Variants in DOCK11 observed in about 807,000 individuals in gnomAD.
The protein encoded by DOCK11 is dedicator of cytokinesis 11, also known as dedicator of cytokinesis protein 11.
A neutral mutation model predicts 169.1 loss-of-function variants in DOCK11; 70 were observed. The ratio of observed to expected loss-of-function variants is 0.41; its 90% CI spans 0.34 to 0.51. The LOEUF is 0.51. DOCK11 is among the 20% of genes least tolerant of loss of function. DOCK11 has a pLI of 0.10. For missense variants in DOCK11, 1,166 were observed against 1,538.8 expected (o/e 0.76, Z 4.05); for synonymous variants, 529 against 541.3 (o/e 0.98, Z 0.32).
At chrX:118,559,041 C>T (rs1196589573) in intron 6 of DOCK11, among the ~76,000 whole-genome samples, 6 of 111,871 alleles carry the variant, frequency 5.4e-5, no homozygotes, top group African/African-American at 1.6e-4. Context: ...ATCATATTCT[C>T]TCCTCAGATT....
intron 1 of DOCK11, among the ~76,000 whole-genome samples, chrX:118,537,765 G>A (rs1396129563): frequency 8.9e-6 from 1 of 112,169 alleles, no homozygotes; most frequent in Non-Finnish European, 1.9e-5. Context: ...TGCTATTAGT[G>A]ACCCTCAGTG....
intron 28 of DOCK11, 121 bp downstream of exon 28, chrX:118,610,539 A>G: frequency 1.2e-6 from 1 of 806,642 alleles, no homozygotes; most frequent in Non-Finnish European, 1.7e-6. Flanking sequence ...TGGAAAACTT[A>G]GGTTGCTTAC....
rs776252212 is a variant in DOCK11 at position 118,676,056 on chromosome X, G to A, written c.5313+7G>A. 8 of 1,090,018 alleles carry A rather than the reference G, an allele frequency of 7.3e-6. No homozygotes were observed. The highest frequency in any genetic ancestry group is 2.0e-5 in the South Asian group (1 of 50,433). The allele number at this position is 1,090,018 out of a possible 1,213,427, so 89.8% of individuals were successfully genotyped here. On this transcript the variant is annotated splice_region_variant and intron_variant, in intron 47 of 52. Coordinates refer to ENST00000276202, the MANE Select transcript of DOCK11 (RefSeq NM_144658.4). Reference sequence around the variant, plus strand: ...AGTTGCCTTTTATGGCCAAGTAAGTGTACTTGAATCCATAAAGTTTTCCTT... The same window carrying A: ...AGTTGCCTTTTATGGCCAAGTAAGTATACTTGAATCCATAAAGTTTTCCTT...
chrX:118,590,940 C>T (rs774006297), intron 19 of DOCK11, among the ~76,000 whole-genome samples: 12 of 112,366 alleles, frequency 1.1e-4, no homozygotes, highest in Non-Finnish European at 1.9e-4. Context: ...ACCTCTACAT[C>T]TCTGTGTGCT....
intron 4 of DOCK11, 59 bp downstream of exon 4, chrX:118,543,652 G>T: frequency 9.7e-7 from 1 of 1,026,793 alleles, no homozygotes. Context: ...TTTTTACCTT[G>T]TTAAAACCAC....
intron 28 of DOCK11, among the ~76,000 whole-genome samples, chrX:118,613,079 T>C (rs768778323): frequency 6.3e-4 from 71 of 112,341 alleles, no homozygotes; most frequent in African/African-American, 2.1e-3. Context: ...CCTTCTGTTG[T>C]TCACCTGTCT....
intron 39 of DOCK11, 99 bp downstream of exon 39, chrX:118,641,404 C>A: frequency 1.7e-6 from 1 of 585,405 alleles, no homozygotes; most frequent in Non-Finnish European, 2.7e-6. Flanking sequence ...AAAAGGCTGG[C>A]ATGAATAGTC....
intron 14 of DOCK11, among the ~76,000 whole-genome samples, chrX:118,581,522 G>A (rs1014507789): frequency 1.8e-5 from 2 of 111,344 alleles, no homozygotes; most frequent in African/African-American, 3.3e-5. Flanking sequence ...GGCTGGGCAC[G>A]GCTGGGTGCA....
In DOCK11 at chrX:118,548,061, T is replaced by G. The variant is rs746575014; in HGVS notation, c.558+1945T>G. 5.4e-5 allele frequency among the ~76,000 whole-genome samples: 6 copies of G among 111,623 alleles called. No individual in the cohort carries two copies. The East Asian group carries it at 1.4e-3, about 26-fold the overall frequency. ...AGATGCTGTCTCTAAATTAAATAAA[T>G]AAATGCATGAAGGAATGAATGGTTT... On this transcript the variant is annotated intron_variant, in intron 6 of 52. Coordinates refer to ENST00000276202, the MANE Select transcript of DOCK11 (RefSeq NM_144658.4).
rs1402930999 is a variant in DOCK11, at chrX:118,562,252, A to G, written c.693+735A>G. On this transcript the variant is annotated intron_variant, in intron 7 of 52. Transcript: ENST00000276202. ...CCGTCCTCCGAAACATCTACACTAGAAAGCTCAGAATCCTCTTCAGTGCCC... is the reference window on the plus strand; with the variant it reads ...CCGTCCTCCGAAACATCTACACTAGGAAGCTCAGAATCCTCTTCAGTGCCC... 2.7e-5 allele frequency among the ~76,000 whole-genome samples: 3 copies of G among 110,717 alleles called. No individual in the cohort carries two copies. In the East Asian group the frequency reaches 8.5e-4, roughly 31 times the overall value.
chrX:118,639,846 A>G (rs2015484978), intron 38 of DOCK11, among the ~76,000 whole-genome samples: 1 of 112,022 alleles, frequency 8.9e-6, no homozygotes, highest in African/African-American at 3.2e-5. Context: ...CTATAAAATG[A>G]TAAAATACAC....
intron 7 of DOCK11, among the ~76,000 whole-genome samples, chrX:118,564,524 T>G (rs1008516268): frequency 4.5e-5 from 5 of 112,176 alleles, no homozygotes; most frequent in Admixed American, 9.4e-5. Flanking sequence ...CTTATTTTCC[T>G]TGTGTGGTGG....
At chrX:118,557,763 CAAAAAA>C (rs773728594) in intron 6 of DOCK11, among the ~76,000 whole-genome samples, 8 of 24,336 alleles carry the variant, frequency 3.3e-4, no homozygotes, top group African/African-American at 1.6e-3. Flanking sequence ...GACTCTGTCT[CAAAAAA>C]AAAAAAAAAA....
At chrX:118,543,249 A>G (rs1390839607) in intron 3 of DOCK11, among the ~76,000 whole-genome samples, 4 of 111,975 alleles carry the variant, frequency 3.6e-5, no homozygotes, top group Admixed American at 2.8e-4. Flanking sequence ...CATTTCCACA[A>G]GGTGCATATG....
intron 6 of DOCK11, among the ~76,000 whole-genome samples, chrX:118,556,201 C>T (rs190032758): frequency 9.3e-6 from 1 of 107,847 alleles, no homozygotes; most frequent in South Asian, 4.2e-4. Context: ...TGCACCACCA[C>T]GCCCAGCTAA....
intron 14 of DOCK11, among the ~76,000 whole-genome samples, chrX:118,581,674 T>G (rs986639375): frequency 1.5e-4 from 16 of 106,549 alleles, no homozygotes; most frequent in African/African-American, 5.5e-4. Context: ...CATGGTGGCG[T>G]GCACCTGTAG....
intron 19 of DOCK11, among the ~76,000 whole-genome samples, chrX:118,592,210 C>T (rs2014024659): frequency 9.1e-6 from 1 of 110,383 alleles, no homozygotes; most frequent in Non-Finnish European, 1.9e-5. Flanking sequence ...ATCACCTCAC[C>T]GACTTCCACA....
At chrX:118,561,618 C>G in intron 7 of DOCK11, 101 bp downstream of exon 7, 1 of 891,575 alleles carries the variant, frequency 1.1e-6, no homozygotes, top group Non-Finnish European at 1.5e-6. Context: ...CCTGTAATCC[C>G]AGCACTTTGA....
intron 1 of DOCK11, among the ~76,000 whole-genome samples, chrX:118,536,709 A>G (rs2011766129): frequency 9.0e-6 from 1 of 111,581 alleles, no homozygotes; most frequent in Non-Finnish European, 1.9e-5. Context: ...GGGTTTATCT[A>G]CCTTCCCCAC....
Sources: gnomAD v4.1 joint callset for allele counts (sites outside exome capture counted in the v4.1 genomes callset) on GRCh38, gnomAD v4.1.1 for gene constraint, MANE v1.5 for transcripts, NCBI Gene and HGNC (gene_info 2026-07-23, HGNC 2026-07-21) for gene names.